AGXT: variants seen among roughly 807,000 people sequenced by gnomAD.
The protein encoded by AGXT is alanine--glyoxylate aminotransferase.
AGXT carries 41 observed loss-of-function variants against 46.9 expected under a neutral mutation model. That is an observed-to-expected ratio of 0.88 (90% CI 0.68 to 1.14). The LOEUF is 1.14. AGXT is among the 50% of genes most tolerant of loss of function. AGXT has a pLI of 0.00. For missense variants in AGXT, 525 were observed against 522.7 expected (o/e 1.00, Z -0.04); for synonymous variants, 244 against 227.9 (o/e 1.07, Z -0.64).
Position 240,877,520 on chromosome 2 carries a change from C to T in AGXT, c.847-17C>T, listed in dbSNP as rs376822576. 12 of 1,540,026 alleles carry T rather than the reference C, an allele frequency of 7.8e-6. No individual in the cohort carries two copies. The Admixed American group carries it at 8.0e-5, about 10-fold the overall frequency. ...CCCCACCCATGTCACTGCCCACCAG[C>T]GCCATCTCCCACACAGGGCCTGGAG... On this transcript the variant is annotated splice_polypyrimidine_tract_variant and intron_variant, in intron 8 of 10. Coordinates refer to ENST00000307503, the MANE Select transcript of AGXT (RefSeq NM_000030.3).
intron 8 of AGXT, among the ~76,000 whole-genome samples, chr2:240,876,711 C>T (rs2059026514): frequency 6.6e-6 from 1 of 152,252 alleles, no homozygotes; most frequent in Non-Finnish European, 1.5e-5. Flanking sequence ...ACTCATAAAG[C>T]CACTGCCTAG....
At chr2:240,878,684 G>A in intron 10 of AGXT, 30 bp from the exon 11 acceptor site, 9 of 1,537,242 alleles carry the variant, frequency 5.9e-6, no homozygotes, top group Non-Finnish European at 7.0e-6. Context: ...CAGGCGGGAG[G>A]CTGACGTCAG....
rs758493460 is a variant in AGXT at position 240,878,720 on chromosome 2, C to T, written c.1078C>T (p.Arg360Trp). ...GLGPSTGKVL[R>W]IGLLGCNATR... ...CCCGCCCTGTGCCCCCCAGGTGCTGCGGATCGGCCTGCTGGGCTGCAATGC... is the reference window on the plus strand; with the variant it reads ...CCCGCCCTGTGCCCCCCAGGTGCTGTGGATCGGCCTGCTGGGCTGCAATGC... Residue 360 changes from arginine (R) to tryptophan (W), a missense_variant, in exon 11 of 11, where the codon CGG (arginine) becomes TGG (tryptophan). Transcript: ENST00000307503. The T allele has an allele frequency of 7.7e-6, 12 of 1,558,666 alleles. No homozygotes were observed. Among genetic ancestry groups the T allele is most frequent in the East Asian group, 4.7e-5 (2 of 42,506 alleles).
rs761622783 is a variant in AGXT, at chr2:240,877,567, G to C, written c.877G>C (p.Glu293Gln). 1.3e-6 allele frequency: 2 copies of C among 1,550,562 alleles called. No homozygotes were observed. Among genetic ancestry groups the C allele is most frequent in the African/African-American group, 2.7e-5 (2 of 73,060 alleles). Residue 293 changes from glutamate (E) to glutamine (Q), a missense_variant, in exon 9 of 11, where the codon GAG becomes CAG. Physicochemically the swap from Glu to Gln is conservative, Grantham distance 29. Coordinates refer to ENST00000307503, the MANE Select transcript of AGXT (RefSeq NM_000030.3). ...GGAGAACAGCTGGCGCCAGCACCGC[G>C]AGGCCGCGGCGTATCTGCATGGGCG... ...GLENSWRQHR[E>Q]AAAYLHGRLQ...
Position 240,879,913 on chromosome 2 carries a change from G to A in AGXT, c.*1092G>A, listed in dbSNP as rs1349869013. On this transcript the variant is annotated 3_prime_UTR_variant, in exon 11 of 11. Transcript: ENST00000307503. ...CTCACATGTACCGTCGTGGGCGCCGGTGTGTCTTTGTTGCTGAGTGCCGTC... is the reference window on the plus strand; with the variant it reads ...CTCACATGTACCGTCGTGGGCGCCGATGTGTCTTTGTTGCTGAGTGCCGTC... 6.6e-6 allele frequency: 1 copy of A among 151,802 alleles called. No homozygotes were observed. Among genetic ancestry groups the A allele is most frequent in the Non-Finnish European group, 1.5e-5 (1 of 68,020 alleles). The allele number at this position is 151,802 out of a possible 1,614,324, so 9.4% of individuals were successfully genotyped here. A position where few individuals can be genotyped will look rare whatever the true frequency, so the allele number is the denominator to read the frequency against.
Position 240,879,002 on chromosome 2 carries a change from G to A in AGXT, c.*181G>A, listed in dbSNP as rs2106432536. ...CCAGGCAGCCCTTTTCCCTCCAGTG[G>A]CACCTCCTGGAAACAGTCCACTTGG... On this transcript the variant is annotated 3_prime_UTR_variant, in exon 11 of 11. Transcript: ENST00000307503. The A allele has an allele frequency of 1.5e-6, 1 of 655,486 alleles. No individual in the cohort carries two copies. Among genetic ancestry groups the A allele is most frequent in the East Asian group, 2.7e-5 (1 of 36,732 alleles). The allele number at this position is 655,486 out of a possible 1,614,324, so 40.6% of individuals were successfully genotyped here.
At chr2:240,873,281 G>A (rs1559569634) in intron 5 of AGXT, 1 of 552,410 alleles carries the variant, frequency 1.8e-6, no homozygotes, top group South Asian at 2.2e-5. Flanking sequence ...CTGGCAGGAG[G>A]GACAGCTTCT....
At chr2:240,877,215 G>C (rs772498379) in intron 8 of AGXT, 10 of 532,206 alleles carry the variant, frequency 1.9e-5, no homozygotes, top group South Asian at 1.7e-4. Context: ...ATCCACTCCA[G>C]CCCTGTGTAG....
intron 1 of AGXT, 32 bp from the exon 2 acceptor site, chr2:240,869,138 C>G (rs2058977689): frequency 6.2e-7 from 1 of 1,610,944 alleles, no homozygotes; most frequent in Admixed American, 1.7e-5. Context: ...AGGCGGGGAG[C>G]CTGGGTCTCA....
At chr2:240,871,217 C>A in intron 3 of AGXT, 132 bp from the exon 4 acceptor site, 1 of 767,836 alleles carries the variant, frequency 1.3e-6, no homozygotes, top group Non-Finnish European at 2.2e-6. Flanking sequence ...TCCTCCCATG[C>A]ACACCATCAG....
At chr2:240,877,483 G>A in intron 8 of AGXT, 54 bp from the exon 9 acceptor site, 1 of 1,479,478 alleles carries the variant, frequency 6.8e-7, no homozygotes, top group Non-Finnish European at 9.2e-7. Context: ...AGAGGGCGGG[G>A]CTTCCTGCCC....
chr2:240,872,097 T>C (rs2106428915), intron 4 of AGXT, among the ~76,000 whole-genome samples: 1 of 152,378 alleles, frequency 6.6e-6, no homozygotes, highest in African/African-American at 2.4e-5. Flanking sequence ...CAGCACGAGA[T>C]ACTTTCTGTG....
At chr2:240,869,945 G>A (rs775679119) in intron 2 of AGXT, among the ~76,000 whole-genome samples, 26 of 152,124 alleles carry the variant, frequency 1.7e-4, no homozygotes, top group Admixed American at 3.3e-4. Flanking sequence ...TGGTTAATAC[G>A]CGACCGCAAC....
chr2:240,874,720 T>C (rs913455581), intron 6 of AGXT, among the ~76,000 whole-genome samples: 3 of 151,978 alleles, frequency 2.0e-5, no homozygotes, highest in Admixed American at 6.5e-5. Flanking sequence ...CCATCTGGAG[T>C]TGTAGAGACG....
intron 6 of AGXT, 102 bp downstream of exon 6, chr2:240,874,164 C>A: frequency 8.8e-7 from 1 of 1,135,974 alleles, no homozygotes; most frequent in South Asian, 1.3e-5. Flanking sequence ...AAGGGCTCCC[C>A]ATGCTCCTCC....
chr2:240,878,288 C>A (rs2059039254), intron 10 of AGXT, 138 bp downstream of exon 10: 2 of 1,259,538 alleles, frequency 1.6e-6, no homozygotes, highest in East Asian at 2.5e-5. Flanking sequence ...AGGGCCCACT[C>A]TCCAAGGGGT....
chr2:240,875,710 C>G (rs1022076126), intron 7 of AGXT, among the ~76,000 whole-genome samples: 1 of 152,222 alleles, frequency 6.6e-6, no homozygotes, highest in African/African-American at 2.4e-5. Flanking sequence ...GCTCCTGCAG[C>G]CACCCACTGC....
At chr2:240,872,907 A>G (rs1197870400) in intron 4 of AGXT, 72 bp from the exon 5 acceptor site, 1 of 1,367,918 alleles carries the variant, frequency 7.3e-7, no homozygotes, top group Non-Finnish European at 1.0e-6. Context: ...AACCCCATCC[A>G]GCCTGGGGCC....
At chr2:240,878,000 C>G in intron 9 of AGXT, 22 bp from the exon 10 acceptor site, 1 of 1,608,760 alleles carries the variant, frequency 6.2e-7, no homozygotes, top group African/African-American at 1.3e-5. Context: ...CACCCACGCA[C>G]TGAGCCAGGC....
Sources: allele counts gnomAD v4.1 joint callset (sites outside exome capture counted in the v4.1 genomes callset), GRCh38; gene constraint gnomAD v4.1.1; transcripts MANE v1.5; gene names NCBI Gene and HGNC (gene_info 2026-07-23, HGNC 2026-07-21).